GPD2: variants seen among roughly 807,000 people sequenced by gnomAD.
GPD2 encodes glycerol-3-phosphate dehydrogenase 2.
GPD2 carries 54 observed loss-of-function variants against 82.4 expected under a neutral mutation model. That is an observed-to-expected ratio of 0.66 (90% CI 0.53 to 0.82). The LOEUF is 0.82. GPD2 is among the 40% of genes least tolerant of loss of function. The probability of loss-of-function intolerance (pLI) is 0.00; values close to 1 mark genes in which losing one functional copy is unlikely to be tolerated. For missense variants in GPD2, 748 were observed against 896.2 expected (o/e 0.83, Z 2.11); for synonymous variants, 288 against 306.1 (o/e 0.94, Z 0.62).
At chr2:156,534,536 C>G (rs1027218247) in intron 6 of GPD2, among the ~76,000 whole-genome samples, 1 of 152,076 alleles carries the variant, frequency 6.6e-6, no homozygotes, top group Admixed American at 6.6e-5. Context: ...GTAAGATTTT[C>G]TTTTGTTTAC....
chr2:156,514,954 C>T (rs1281201691), intron 6 of GPD2, among the ~76,000 whole-genome samples: 2 of 152,140 alleles, frequency 1.3e-5, no homozygotes, highest in East Asian at 1.9e-4. Context: ...CTGTAAATAG[C>T]GTCCTGCCCA....
At chr2:156,488,140 C>T (rs902054149) in intron 2 of GPD2, among the ~76,000 whole-genome samples, 1 of 152,028 alleles carries the variant, frequency 6.6e-6, no homozygotes, top group Non-Finnish European at 1.5e-5. Context: ...ATTGGCAACT[C>T]TATCTACAGA....
chr2:156,564,886 A>G (rs1234175840), intron 9 of GPD2, among the ~76,000 whole-genome samples: 1 of 152,126 alleles, frequency 6.6e-6, no homozygotes, highest in Non-Finnish European at 1.5e-5. Flanking sequence ...TTAACACATT[A>G]TGAACCCTTT....
At chr2:156,454,447 G>A in intron 1 of GPD2, among the ~76,000 whole-genome samples, 1 of 151,546 alleles carries the variant, frequency 6.6e-6, no homozygotes, top group East Asian at 1.9e-4. Flanking sequence ...CTTGAGGCCA[G>A]GAGTTCTATA....
intron 5 of GPD2, 99 bp downstream of exon 5, chr2:156,512,416 G>T: frequency 1.3e-6 from 1 of 756,924 alleles, no homozygotes. Flanking sequence ...TTCATAATGT[G>T]GTTTTAATTG....
upstream of GPD2, among the ~76,000 whole-genome samples, chr2:156,431,185 C>G (rs1195913366): frequency 6.6e-6 from 1 of 152,166 alleles, no homozygotes; most frequent in Non-Finnish European, 1.5e-5. Flanking sequence ...CACCAGAAAT[C>G]TGAAAGACAG....
chr2:156,479,810 T>G (rs552782438), intron 2 of GPD2, among the ~76,000 whole-genome samples: 4 of 152,306 alleles, frequency 2.6e-5, no homozygotes, highest in African/African-American at 7.2e-5. Flanking sequence ...TTCTTCATTT[T>G]CTTGTCCCCT....
rs192871271 is a variant in GPD2 at position 156,582,956 on chromosome 2, C to T, written c.*38C>T. 31 of 1,607,636 alleles carry T rather than the reference C, an allele frequency of 1.9e-5. No homozygotes were observed. In the East Asian group the frequency reaches 2.5e-4, roughly 13 times the overall value. ...AATCCACAGCCAACAAACATAGAAA[C>T]GACAAATCACCATGTAACAACCAGA... On this transcript the variant is annotated 3_prime_UTR_variant, in exon 17 of 17. Transcript: ENST00000438166.
intron 1 of GPD2, among the ~76,000 whole-genome samples, chr2:156,472,282 C>G (rs1683358060): frequency 6.6e-6 from 1 of 151,760 alleles, no homozygotes; most frequent in Non-Finnish European, 1.5e-5. Flanking sequence ...TTATATAGTT[C>G]TAAATTTCAT....
At chr2:156,431,073 C>T (rs142119552), upstream of GPD2, among the ~76,000 whole-genome samples, 2 of 152,222 alleles carry the variant, frequency 1.3e-5, no homozygotes, top group Non-Finnish European at 2.9e-5. Flanking sequence ...AAAGGGAAAG[C>T]TTTTCAGATT....
intron 6 of GPD2, among the ~76,000 whole-genome samples, chr2:156,517,071 C>T (rs1461700273): frequency 3.9e-5 from 6 of 152,202 alleles, no homozygotes; most frequent in African/African-American, 1.4e-4. Flanking sequence ...AAAGTTTGTT[C>T]TCCCACAGAA....
At chr2:156,487,729 C>A (rs1573920101) in intron 2 of GPD2, among the ~76,000 whole-genome samples, 1 of 152,246 alleles carries the variant, frequency 6.6e-6, no homozygotes, top group South Asian at 2.1e-4. Context: ...CTCTATCTAC[C>A]CCAACCTCAG....
the GPD2 span, among the ~76,000 whole-genome samples, chr2:156,401,899 GA>G: frequency 6.6e-6 from 1 of 152,174 alleles, no homozygotes; most frequent in East Asian, 1.9e-4. Flanking sequence ...TTATGGAAAT[GA>G]TTCTAAATAC....
intron 2 of GPD2, among the ~76,000 whole-genome samples, chr2:156,481,909 T>C (rs1683747402): frequency 6.6e-6 from 1 of 152,238 alleles, no homozygotes; most frequent in African/African-American, 2.4e-5. Context: ...CAGCTAGTTC[T>C]GTATCTTTAT....
At chr2:156,420,225 G>T in the GPD2 span, among the ~76,000 whole-genome samples, 1 of 151,918 alleles carries the variant, frequency 6.6e-6, no homozygotes, top group African/African-American at 2.4e-5. Context: ...TCTGTGGAAT[G>T]CAGTGGCGTG....
At chr2:156,426,751 G>C in the GPD2 span, among the ~76,000 whole-genome samples, 4 of 152,140 alleles carry the variant, frequency 2.6e-5, no homozygotes, top group African/African-American at 7.2e-5. Context: ...GAACAAACTG[G>C]AGAGGCTGCC....
chr2:156,549,868 A>G (rs898860661), intron 7 of GPD2, 96 bp downstream of exon 7: 2 of 890,606 alleles, frequency 2.2e-6, no homozygotes, highest in Non-Finnish European at 3.7e-6. Context: ...TCTTTCATTT[A>G]TGCCACGCTT....
At chr2:156,499,318 TAGAA>T (rs1684501497) in intron 3 of GPD2, among the ~76,000 whole-genome samples, 1 of 152,006 alleles carries the variant, frequency 6.6e-6, no homozygotes. Context: ...GTACAGAAAA[TAGAA>T]AGTCACATAG....
chr2:156,564,802 C>T (rs933617653), intron 9 of GPD2, among the ~76,000 whole-genome samples: 1 of 151,946 alleles, frequency 6.6e-6, no homozygotes, highest in Non-Finnish European at 1.5e-5. Context: ...AAATTTATTC[C>T]CAACATTCAA....
Sources: gnomAD v4.1 joint callset for allele counts (sites outside exome capture counted in the v4.1 genomes callset) on GRCh38, gnomAD v4.1.1 for gene constraint, MANE v1.5 for transcripts, NCBI Gene and HGNC (gene_info 2026-07-23, HGNC 2026-07-21) for gene names.